USP45: variants seen among roughly 807,000 people sequenced by gnomAD.
The protein encoded by USP45 is ubiquitin specific peptidase 45, also known as ubiquitin carboxyl-terminal hydrolase 45.
Under a neutral mutation model 95.8 loss-of-function variants are expected in USP45, and 89 were observed. That is an observed-to-expected ratio of 0.93 (90% CI 0.78 to 1.11). USP45 has a LOEUF of 1.11. Among genes scored for constraint, USP45 ranks in the 50% least tolerant of loss-of-function variants. The pLI, the probability that USP45 is intolerant of heterozygous loss-of-function variation, is 0.00. For synonymous variants in USP45, 281 were observed against 316.2 expected, an observed-to-expected ratio of 0.89 and a Z score of 1.18; for missense variants, 898 against 942.5, an observed-to-expected ratio of 0.95 and a Z score of 0.62.
intron 13 of USP45, among the ~76,000 whole-genome samples, 165 bp downstream of exon 13, chr6:99,464,439 G>A (rs1171980187): frequency 6.6e-6 from 1 of 152,142 alleles, no homozygotes; most frequent in Admixed American, 6.6e-5. Flanking sequence ...GGGAGGATGT[G>A]GGATATATAT....
intron 9 of USP45, 38 bp from the exon 10 acceptor site, chr6:99,468,656 G>C: frequency 3.7e-6 from 5 of 1,363,124 alleles, no homozygotes; most frequent in Non-Finnish European, 5.2e-6. Context: ...TCTAATAATA[G>C]TTAACTCAGG....
chr6:99,471,834 C>T (rs1272736206), intron 9 of USP45, among the ~76,000 whole-genome samples: 2 of 152,210 alleles, frequency 1.3e-5, no homozygotes, highest in Admixed American at 1.3e-4. Flanking sequence ...GCATGATTAA[C>T]AGCTGTGGAG....
chr6:99,438,899 T>A (rs766792046), intron 16 of USP45, among the ~76,000 whole-genome samples: 14 of 152,176 alleles, frequency 9.2e-5, no homozygotes, highest in Non-Finnish European at 1.8e-4. Flanking sequence ...TATTGGAAAT[T>A]CTCCGTAATA....
intron 5 of USP45, among the ~76,000 whole-genome samples, chr6:99,497,392 T>C (rs1018290538): frequency 6.6e-6 from 1 of 152,152 alleles, no homozygotes; most frequent in Non-Finnish European, 1.5e-5. Context: ...AAACCAGTCA[T>C]GTAGTATTAA....
chr6:99,468,692 T>C, intron 9 of USP45, 74 bp from the exon 10 acceptor site: 1 of 988,110 alleles, frequency 1.0e-6, no homozygotes, highest in South Asian at 1.6e-5. Flanking sequence ...AAAAGTACTT[T>C]CAAACAGCAA....
chr6:99,464,919 T>C lies in USP45; in HGVS notation c.1164+161A>G, dbSNP rs922302799. On this transcript the variant is annotated intron_variant, in intron 12 of 17. Coordinates refer to ENST00000500704, the MANE Select transcript of USP45 (RefSeq NM_001346022.3). ...AATAAAAACCATCATACTTTATGCA[T>C]ACTTACACAAACCCCCAAATCAGAC... The C allele has an allele frequency of 3.2e-6, 3 of 951,468 alleles. No individual in the cohort carries two copies. The Admixed American group carries it at 9.4e-5, about 30-fold the overall frequency. 58.9% of individuals were successfully genotyped at this position (951,468 alleles called of 1,614,324 possible). A position where few individuals can be genotyped will look rare whatever the true frequency, so the allele number is the denominator to read the frequency against.
chr6:99,501,979 C>T, intron 5 of USP45: 1 of 1,303,096 alleles, frequency 7.7e-7, no homozygotes, highest in Non-Finnish European at 1.0e-6. Flanking sequence ...ACAGTTTATG[C>T]TGAAGAGATG....
chr6:99,517,292 T>G (rs185186035), upstream of USP45, among the ~76,000 whole-genome samples: 4 of 152,326 alleles, frequency 2.6e-5, no homozygotes, highest in Admixed American at 2.6e-4. Context: ...TAGATTACCT[T>G]AAGATTACCT....
chr6:99,444,253 G>A (rs1345420382), intron 14 of USP45, among the ~76,000 whole-genome samples: 1 of 152,100 alleles, frequency 6.6e-6, no homozygotes, highest in African/African-American at 2.4e-5. Context: ...GGCTACAAGC[G>A]ATCCTCATGC....
intron 8 of USP45, among the ~76,000 whole-genome samples, chr6:99,476,766 T>C (rs1790982800): frequency 6.6e-6 from 1 of 152,242 alleles, no homozygotes; most frequent in South Asian, 2.1e-4. Flanking sequence ...CAAGCCACTG[T>C]GATTTATTAT....
At chr6:99,451,687 G>C (rs199593958) in intron 13 of USP45, among the ~76,000 whole-genome samples, 1 of 152,196 alleles carries the variant, frequency 6.6e-6, no homozygotes, top group African/African-American at 2.4e-5. Context: ...CTACTTTAAA[G>C]TTCATATGGG....
At chr6:99,482,665 A>G in intron 8 of USP45, 88 bp downstream of exon 8, 1 of 1,296,908 alleles carries the variant, frequency 7.7e-7, no homozygotes, top group Non-Finnish European at 1.0e-6. Context: ...GAGCAAAGTT[A>G]CAGTAAAAAC....
intron 5 of USP45, 29 bp from the exon 6 acceptor site, chr6:99,488,849 C>T (rs1342450659): frequency 6.6e-7 from 1 of 1,517,886 alleles, no homozygotes; most frequent in Non-Finnish European, 8.8e-7. Context: ...ATAACTGACA[C>T]AAGATGTAAA....
chr6:99,517,305 C>A (rs1054299434), upstream of USP45, among the ~76,000 whole-genome samples: 1 of 152,148 alleles, frequency 6.6e-6, no homozygotes, highest in Admixed American at 6.5e-5. Flanking sequence ...GATTACCTAA[C>A]CATGTATTTT....
At position 99,435,420 on chromosome 6, in the gene USP45, T is replaced by C; in HGVS notation, c.*296A>G. ...AGCCAGCATCATTTCTGAATGCTTG[T>C]AATAATAAGCCACATCATAAAGGGG... On this transcript the variant is annotated 3_prime_UTR_variant, in exon 18 of 18. Transcript: ENST00000500704. 4.7e-6 allele frequency: 1 copy of C among 214,946 alleles called. No individual in the cohort carries two copies. The allele number at this position is 214,946 out of a possible 1,614,324, so 13.3% of individuals were successfully genotyped here.
chr6:99,438,347 A>G, intron 16 of USP45, among the ~76,000 whole-genome samples: 1 of 152,346 alleles, frequency 6.6e-6, no homozygotes, highest in East Asian at 1.9e-4. Context: ...TTATATTTAA[A>G]AAAAATTATA....
Position 99,508,801 on chromosome 6 carries a change from A to T in USP45, c.101-19T>A. 6.3e-7 allele frequency: 1 copy of T among 1,590,102 alleles called. No homozygotes were observed. The highest frequency in any genetic ancestry group is 8.6e-7 in the Non-Finnish European group (1 of 1,169,346). ...AAACCTACTGAATAAGATAAAACAA[A>T]ATCTCAACATTTTCTTTGCTACACC... On this transcript the variant is annotated intron_variant, in intron 2 of 17. Transcript: ENST00000500704.
intron 10 of USP45, among the ~76,000 whole-genome samples, chr6:99,468,326 G>C (rs924759574): frequency 6.6e-6 from 1 of 152,006 alleles, no homozygotes; most frequent in Non-Finnish European, 1.5e-5. Context: ...TGTATACTTG[G>C]TATAGCTTTA....
intron 16 of USP45, among the ~76,000 whole-genome samples, chr6:99,437,961 G>A (rs753020583): frequency 3.9e-5 from 6 of 152,116 alleles, no homozygotes; most frequent in Non-Finnish European, 8.8e-5. Flanking sequence ...CCTGGCCTAT[G>A]CAGGGATATT....
Sources: gnomAD v4.1 joint callset for allele counts (sites outside exome capture counted in the v4.1 genomes callset) on GRCh38, gnomAD v4.1.1 for gene constraint, MANE v1.5 for transcripts, NCBI Gene and HGNC (gene_info 2026-07-23, HGNC 2026-07-21) for gene names.